Variants in MFHAS1 observed in about 807,000 individuals in gnomAD.
The protein encoded by MFHAS1 is multifunctional ROCO family signaling regulator 1, also known as malignant fibrous histiocytoma-amplified sequence 1.
In MFHAS1, 50 loss-of-function variants were observed where a neutral mutation model predicts 70.4. The observed-to-expected ratio is 0.71, with a 90% CI of 0.57 to 0.90. The LOEUF (loss-of-function observed/expected upper bound fraction) is 0.90, where lower values mean the gene tolerates loss of function less well. MFHAS1 is among the 40% of genes least tolerant of loss of function. The probability of loss-of-function intolerance (pLI) is 0.00; values close to 1 mark genes in which losing one functional copy is unlikely to be tolerated. For synonymous variants in MFHAS1, 952 were observed against 620.0 expected (o/e 1.54, Z -7.96); for missense variants, 1,795 against 1,347.6 (o/e 1.33, Z -5.20).
chr8:8,843,363 C>G (rs577259719), intron 1 of MFHAS1, among the ~76,000 whole-genome samples: 1 of 151,922 alleles, frequency 6.6e-6, no homozygotes, highest in East Asian at 1.9e-4. Flanking sequence ...GTGGGCAAAT[C>G]ACTTGAGGCC....
intron 1 of MFHAS1, among the ~76,000 whole-genome samples, chr8:8,811,188 G>C (rs189309758): frequency 2.0e-5 from 3 of 152,034 alleles, no homozygotes; most frequent in African/African-American, 7.2e-5. Context: ...CGGGACTTGA[G>C]GCCATTTGAA....
At chr8:8,795,308 A>C (rs1234633367) in intron 2 of MFHAS1, among the ~76,000 whole-genome samples, 1 of 152,226 alleles carries the variant, frequency 6.6e-6, no homozygotes, top group East Asian at 1.9e-4. Flanking sequence ...ATTTCAAAGA[A>C]ATTAAAAGAG....
intron 1 of MFHAS1, among the ~76,000 whole-genome samples, chr8:8,864,457 A>C (rs1303690403): frequency 6.6e-6 from 1 of 152,256 alleles, no homozygotes; most frequent in Non-Finnish European, 1.5e-5. Flanking sequence ...AAATATTTTT[A>C]ATGTTCCTTG....
At chr8:8,886,183 ATTTC>A (rs1387348592) in intron 1 of MFHAS1, among the ~76,000 whole-genome samples, 12 of 151,228 alleles carry the variant, frequency 7.9e-5, no homozygotes, top group East Asian at 5.8e-4. Context: ...TTTTCCAATC[ATTTC>A]TTTTTTTTTT....
intron 1 of MFHAS1, among the ~76,000 whole-genome samples, chr8:8,844,946 T>C (rs893098129): frequency 6.6e-6 from 1 of 152,016 alleles, no homozygotes; most frequent in Non-Finnish European, 1.5e-5. Flanking sequence ...AAGCAATCCT[T>C]GGATGAAGAT....
chr8:8,812,669 G>A (rs997783329), intron 1 of MFHAS1, among the ~76,000 whole-genome samples: 1 of 152,206 alleles, frequency 6.6e-6, no homozygotes, highest in East Asian at 1.9e-4. Context: ...GGGTAATGTG[G>A]CTACAGGCAT....
At chr8:8,862,388 GT>G (rs11446754) in intron 1 of MFHAS1, among the ~76,000 whole-genome samples, 89 of 147,036 alleles carry the variant, frequency 6.1e-4, no homozygotes, top group Non-Finnish European at 8.5e-4. Flanking sequence ...GCTATAAGAG[GT>G]TTTTTTTTTT....
At chr8:8,829,315 G>A (rs1046331974) in intron 1 of MFHAS1, among the ~76,000 whole-genome samples, 2 of 152,160 alleles carry the variant, frequency 1.3e-5, no homozygotes, top group African/African-American at 4.8e-5. Flanking sequence ...CAGCACCCTG[G>A]ACATCATCTT....
Position 8,783,441 on chromosome 8 carries a change from T to G in MFHAS1, c.*2581A>C, listed in dbSNP as rs778621810. The G allele has an allele frequency of 1.1e-4, 16 of 152,312 alleles. No individual in the cohort carries two copies. Among genetic ancestry groups the G allele is most frequent in the Non-Finnish European group, 1.9e-4 (13 of 68,030 alleles). 9.4% of individuals were successfully genotyped at this position (152,312 alleles called of 1,614,324 possible). A position where few individuals can be genotyped will look rare whatever the true frequency, so the allele number is the denominator to read the frequency against. ...CGAAATGGGAAACCACAATTAAAAT[T>G]CACAAACCATGGCATGAAAAACAAC... On this transcript the variant is annotated 3_prime_UTR_variant, in exon 3 of 3. Transcript: ENST00000276282.
chr8:8,856,649 A>T (rs1189578179), intron 1 of MFHAS1, among the ~76,000 whole-genome samples: 1 of 152,200 alleles, frequency 6.6e-6, no homozygotes, highest in African/African-American at 2.4e-5. Flanking sequence ...TATTAAAAAT[A>T]CTGACACATT....
At chr8:8,838,118 G>C (rs1160773817) in intron 1 of MFHAS1, among the ~76,000 whole-genome samples, 1 of 152,206 alleles carries the variant, frequency 6.6e-6, no homozygotes, top group Non-Finnish European at 1.5e-5. Context: ...CACCTCAAGA[G>C]TGAGTGTCAA....
chr8:8,839,675 A>G (rs1316341688), intron 1 of MFHAS1, among the ~76,000 whole-genome samples: 2 of 152,256 alleles, frequency 1.3e-5, no homozygotes, highest in African/African-American at 4.8e-5. Flanking sequence ...AATAAAAGAG[A>G]GCAGTATTAT....
At chr8:8,885,261 T>C (rs913127490) in intron 1 of MFHAS1, among the ~76,000 whole-genome samples, 5 of 152,058 alleles carry the variant, frequency 3.3e-5, no homozygotes, top group South Asian at 2.1e-4. Flanking sequence ...GAAAGCCACA[T>C]AACTCATTCT....
chr8:8,869,978 T>C (rs1809011186), intron 1 of MFHAS1, among the ~76,000 whole-genome samples: 1 of 152,144 alleles, frequency 6.6e-6, no homozygotes, highest in Non-Finnish European at 1.5e-5. Context: ...TTGAAATCCA[T>C]CTTCCACACT....
intron 1 of MFHAS1, among the ~76,000 whole-genome samples, chr8:8,804,983 G>C (rs1422349944): frequency 6.6e-6 from 1 of 152,184 alleles, no homozygotes; most frequent in East Asian, 1.9e-4. Flanking sequence ...AGATAGGAGG[G>C]AGAAGGGGAT....
At chr8:8,880,413 C>G (rs893954406) in intron 1 of MFHAS1, among the ~76,000 whole-genome samples, 2 of 152,024 alleles carry the variant, frequency 1.3e-5, no homozygotes, top group Admixed American at 1.3e-4. Context: ...GTGACTTTCA[C>G]TCAATAGGAG....
intron 1 of MFHAS1, among the ~76,000 whole-genome samples, chr8:8,820,215 C>T (rs567252263): frequency 4.6e-5 from 7 of 151,884 alleles, no homozygotes; most frequent in Admixed American, 6.6e-5. Flanking sequence ...ACTCCCCCTT[C>T]CCAAGTCCCC....
chr8:8,797,600 T>C (rs1308922813), intron 1 of MFHAS1, 109 bp from the exon 2 acceptor site: 10 of 1,227,348 alleles, frequency 8.1e-6, no homozygotes, highest in Admixed American at 4.8e-5. Context: ...AGGGCAGAGG[T>C]GAAGCAACGA....
chr8:8,805,615 G>T (rs572371124), intron 1 of MFHAS1, among the ~76,000 whole-genome samples: 91 of 152,266 alleles, frequency 6.0e-4, no homozygotes, highest in Non-Finnish European at 1.1e-3. Flanking sequence ...TAAGTGGACC[G>T]GCACAGTTCA....
Sources: gnomAD v4.1 joint callset for allele counts (sites outside exome capture counted in the v4.1 genomes callset) on GRCh38, gnomAD v4.1.1 for gene constraint, MANE v1.5 for transcripts, NCBI Gene and HGNC (gene_info 2026-07-23, HGNC 2026-07-21) for gene names.